Variants in KALRN observed in about 807,000 individuals in gnomAD.
The protein encoded by KALRN is kalirin.
Under a neutral mutation model 353.7 loss-of-function variants are expected in KALRN, and 70 were observed. The observed-to-expected ratio is 0.20, with a 90% CI of 0.16 to 0.24. The LOEUF (loss-of-function observed/expected upper bound fraction) is 0.24. Ranked by LOEUF, KALRN falls within the 10% of genes least tolerant of loss-of-function variation. The probability of loss-of-function intolerance (pLI) is 1.00; values close to 1 mark genes in which losing one functional copy is unlikely to be tolerated. For synonymous variants in KALRN, 1,391 were observed against 1,434.8 expected, an observed-to-expected ratio of 0.97 and a Z score of 0.69; for missense variants, 2,791 against 3,756.7, an observed-to-expected ratio of 0.74 and a Z score of 6.72.
chr3:124,667,928 C>T (rs972235267), intron 47 of KALRN, among the ~76,000 whole-genome samples: 1 of 152,148 alleles, frequency 6.6e-6, no homozygotes, highest in Non-Finnish European at 1.5e-5. Context: ...TCTCTGCTGA[C>T]TTGGTTAGCT....
At chr3:124,201,161 A>G (rs1291197014) in intron 1 of KALRN, among the ~76,000 whole-genome samples, 2 of 152,264 alleles carry the variant, frequency 1.3e-5, no homozygotes, top group African/African-American at 2.4e-5. Flanking sequence ...AAGGCCACGT[A>G]TAAGACAACA....
rs2093578199 is a variant in KALRN, at chr3:124,439,124, T to C, written c.3198+87T>C. On this transcript the variant is annotated intron_variant, in intron 18 of 59. Transcript: ENST00000682506. ...CCTCTTTCTCTTTCTCTTTTCTTTC[T>C]TTCTCTTTCTCTCTCTTTCTCTTTC... 4 of 1,339,276 alleles carry C rather than the reference T, an allele frequency of 3.0e-6. 1 individual carries two copies. Among genetic ancestry groups the C allele is most frequent in the East Asian group, 4.9e-5 (2 of 40,460 alleles). 83.0% of individuals were successfully genotyped at this position (1,339,276 alleles called of 1,614,324 possible). A position where few individuals can be genotyped will look rare whatever the true frequency, so the allele number is the denominator to read the frequency against.
At position 124,111,988 on chromosome 3, in the gene KALRN, C is replaced by T. The variant is rs2063021421; in HGVS notation, c.73+78175C>T. 3.3e-5 allele frequency among the ~76,000 whole-genome samples: 5 copies of T among 151,132 alleles called. No homozygotes were observed. In the South Asian group the frequency reaches 8.4e-4, roughly 26 times the overall value. On this transcript the variant is annotated intron_variant, in intron 1 of 59. Coordinates refer to ENST00000682506, the MANE Select transcript of KALRN (RefSeq NM_001388419.1). Reference sequence around the variant, plus strand: ...CCTGGTAGAGGTGGGCTGCAGTTTGCAGAAGAAAGAAAATATTAAGGCTTA... The same window carrying T: ...CCTGGTAGAGGTGGGCTGCAGTTTGTAGAAGAAAGAAAATATTAAGGCTTA...
At chr3:124,206,057 GT>G (rs2076383067) in intron 1 of KALRN, among the ~76,000 whole-genome samples, 1 of 152,196 alleles carries the variant, frequency 6.6e-6, no homozygotes, top group Non-Finnish European at 1.5e-5. Flanking sequence ...AGTCTCCACA[GT>G]TTGCCACCCT....
chr3:124,621,907 A>G (rs180933517), intron 34 of KALRN, among the ~76,000 whole-genome samples: 17 of 152,390 alleles, frequency 1.1e-4, no homozygotes, highest in African/African-American at 4.1e-4. Context: ...ATGAACAAAT[A>G]TGGATTTATC....
At chr3:124,682,808 AAAGGGAG>A (rs2061400184) in intron 51 of KALRN, among the ~76,000 whole-genome samples, 1 of 152,212 alleles carries the variant, frequency 6.6e-6, no homozygotes, top group African/African-American at 2.4e-5. Context: ...CCAATTAGGT[AAAGGGAG>A]GTAATTCTGC....
chr3:124,500,295 G>T (rs1306804357), intron 33 of KALRN, among the ~76,000 whole-genome samples: 1 of 152,116 alleles, frequency 6.6e-6, no homozygotes, highest in Non-Finnish European at 1.5e-5. Context: ...AAATTATCTT[G>T]TCCAGTGTGT....
chr3:124,441,671 A>G (rs1025988408), intron 18 of KALRN, among the ~76,000 whole-genome samples: 4 of 152,106 alleles, frequency 2.6e-5, no homozygotes, highest in African/African-American at 9.7e-5. Context: ...CAAAAAATGC[A>G]CAAAGTTACC....
chr3:124,635,527 G>C (rs943239455), intron 36 of KALRN, among the ~76,000 whole-genome samples: 3 of 152,120 alleles, frequency 2.0e-5, no homozygotes, highest in African/African-American at 7.2e-5. Context: ...CCTTATTCCT[G>C]CTTGTTTGAT....
chr3:124,260,955 AC>A (rs1580187459), intron 3 of KALRN, among the ~76,000 whole-genome samples: 1 of 151,036 alleles, frequency 6.6e-6, no homozygotes, highest in South Asian at 2.1e-4. Context: ...CTCATCTCTG[AC>A]CCCCAACTCC....
chr3:124,658,615 C>A (rs903270917), intron 42 of KALRN, 98 bp downstream of exon 42: 25 of 863,716 alleles, frequency 2.9e-5, no homozygotes, highest in Non-Finnish European at 4.3e-5. Flanking sequence ...CATATGTGAC[C>A]CCCACACAGC....
intron 10 of KALRN, among the ~76,000 whole-genome samples, chr3:124,377,290 C>T (rs749004424): frequency 6.6e-6 from 1 of 152,132 alleles, no homozygotes; most frequent in Non-Finnish European, 1.5e-5. Context: ...TTAACTGATG[C>T]CACCTTCTTT....
intron 32 of KALRN, among the ~76,000 whole-genome samples, chr3:124,494,218 G>A (rs954707209): frequency 3.3e-5 from 5 of 152,230 alleles, no homozygotes; most frequent in Non-Finnish European, 5.9e-5. Context: ...ATGGGTGGGT[G>A]AGAAACCTTG....
At chr3:124,273,228 G>A (rs2074353058) in intron 5 of KALRN, among the ~76,000 whole-genome samples, 1 of 152,202 alleles carries the variant, frequency 6.6e-6, no homozygotes, top group Non-Finnish European at 1.5e-5. Flanking sequence ...CATCTTGGAG[G>A]TGCTGGGGAG....
intron 3 of KALRN, among the ~76,000 whole-genome samples, chr3:124,243,896 C>T (rs1435892871): frequency 1.3e-5 from 2 of 152,174 alleles, no homozygotes; most frequent in African/African-American, 4.8e-5. Context: ...CCTTCCCTTG[C>T]TTGAAAGTAG....
intron 5 of KALRN, among the ~76,000 whole-genome samples, chr3:124,271,376 C>G (rs2074149375): frequency 6.6e-6 from 1 of 152,138 alleles, no homozygotes; most frequent in Non-Finnish European, 1.5e-5. Flanking sequence ...TCTGAAAAAC[C>G]AAGTAAACGG....
Position 124,422,986 on chromosome 3 carries a change from C to G in KALRN, c.2709+8C>G. ...CAGGCTGAAGTCAAACAGGTAAGCC[C>G]AGCCCTTCTTCCTTCAGCCTGGGTT... On this transcript the variant is annotated splice_region_variant and intron_variant, in intron 15 of 59. Transcript: ENST00000682506. 6.2e-7 allele frequency: 1 copy of G among 1,612,200 alleles called. No individual in the cohort carries two copies. Among genetic ancestry groups the G allele is most frequent in the Non-Finnish European group, 8.5e-7 (1 of 1,178,822 alleles).
chr3:124,704,366 T>C (rs2062494922), intron 57 of KALRN, among the ~76,000 whole-genome samples: 1 of 152,190 alleles, frequency 6.6e-6, no homozygotes, highest in Admixed American at 6.5e-5. Flanking sequence ...TGATTTGATA[T>C]TTCTCAAAGG....
At chr3:124,399,915 A>G (rs1428872153) in intron 13 of KALRN, among the ~76,000 whole-genome samples, 2 of 152,214 alleles carry the variant, frequency 1.3e-5, no homozygotes, top group Admixed American at 6.5e-5. Context: ...AATATCCAAC[A>G]TAAGGCACTT....
Sources: gnomAD v4.1 joint callset for allele counts (sites outside exome capture counted in the v4.1 genomes callset) on GRCh38, gnomAD v4.1.1 for gene constraint, MANE v1.5 for transcripts, NCBI Gene and HGNC (gene_info 2026-07-23, HGNC 2026-07-21) for gene names.